RCBTB1: variants seen among roughly 807,000 people sequenced by gnomAD.
RCBTB1 encodes the protein RCC1 and BTB domain containing protein 1.
A neutral mutation model predicts 62.4 loss-of-function variants in RCBTB1; 46 were observed. The observed-to-expected ratio is 0.74, with a 90% confidence interval of 0.58 to 0.94. The LOEUF (loss-of-function observed/expected upper bound fraction) is 0.94. Among genes scored for constraint, RCBTB1 ranks in the 40% least tolerant of loss-of-function variants. The pLI is 0.00. For synonymous variants in RCBTB1, 222 were observed against 245.8 expected (o/e 0.90, Z 0.91); for missense variants, 565 against 654.9 (o/e 0.86, Z 1.50).
At chr13:49,567,011 A>G in intron 3 of RCBTB1, 143 bp downstream of exon 3, 1 of 797,508 alleles carries the variant, frequency 1.3e-6, no homozygotes, top group Middle Eastern at 3.8e-4. Context: ...CTGAAAAAAG[A>G]GAAACTATCA....
chr13:49,541,088 T>C (rs1960327950), intron 11 of RCBTB1, 82 bp from the exon 12 acceptor site: 3 of 1,232,658 alleles, frequency 2.4e-6, no homozygotes, highest in Non-Finnish European at 3.3e-6. Flanking sequence ...TGAACAGAGG[T>C]GTACAGGTAA....
chr13:49,540,844 G>A (rs770325981), intron 12 of RCBTB1, 32 bp downstream of exon 12: 3 of 1,606,882 alleles, frequency 1.9e-6, no homozygotes, highest in Non-Finnish European at 2.5e-6. Context: ...GGAGTTAAAG[G>A]TGGTCTGGTT....
At chr13:49,583,577 C>A (rs889690751) in intron 1 of RCBTB1, among the ~76,000 whole-genome samples, 3 of 151,882 alleles carry the variant, frequency 2.0e-5, no homozygotes, top group African/African-American at 7.3e-5. Context: ...GATGGAGTCT[C>A]ACTGTGTCGC....
chr13:49,533,625 T>C lies in RCBTB1; in HGVS notation c.*497A>G, dbSNP rs1477391501. 6.6e-6 allele frequency: 1 copy of C among 152,348 alleles called. No homozygotes were observed. Among genetic ancestry groups the C allele is most frequent in the African/African-American group, 2.4e-5 (1 of 41,436 alleles). The allele number at this position is 152,348 out of a possible 1,614,324, so 9.4% of individuals were successfully genotyped here. On this transcript the variant is annotated 3_prime_UTR_variant, in exon 13 of 13. Transcript: ENST00000378302. Reference sequence around the variant, plus strand: ...AGTCTGAAACAATCTTAATTATTCCTTCACAGTAAGGCTACTAAACTAGCA... The same window carrying C: ...AGTCTGAAACAATCTTAATTATTCCCTCACAGTAAGGCTACTAAACTAGCA...
chr13:49,584,244 C>T (rs555993145), intron 1 of RCBTB1, among the ~76,000 whole-genome samples: 1 of 122,808 alleles, frequency 8.1e-6, no homozygotes, highest in African/African-American at 3.2e-5. Flanking sequence ...TTGGATCACA[C>T]ACTTAAAAAA....
intron 2 of RCBTB1, among the ~76,000 whole-genome samples, chr13:49,567,697 G>A (rs1389795800): frequency 1.3e-5 from 2 of 152,088 alleles, no homozygotes; most frequent in African/African-American, 4.8e-5. Flanking sequence ...GCCTGCAGCT[G>A]GAGCATGCTT....
At chr13:49,560,988 G>C (rs1425861636) in intron 4 of RCBTB1, among the ~76,000 whole-genome samples, 1 of 151,330 alleles carries the variant, frequency 6.6e-6, no homozygotes, top group African/African-American at 2.5e-5. Context: ...AAGCTCCTCT[G>C]TCTGAATTTT....
intron 2 of RCBTB1, among the ~76,000 whole-genome samples, chr13:49,567,941 T>C (rs1206736641): frequency 1.3e-5 from 2 of 152,054 alleles, no homozygotes; most frequent in African/African-American, 2.4e-5. Context: ...AAGTAAAAGA[T>C]TTGACAGGGG....
rs564430389 is a variant in RCBTB1 at position 49,561,900 on chromosome 13, T to C, written c.278-1816A>G. Among the ~76,000 whole-genome samples the C allele has an allele frequency of 4.0e-5, 6 of 150,260 alleles. No individual in the cohort carries two copies. The East Asian group carries it at 1.2e-3, about 29-fold the overall frequency. On this transcript the variant is annotated intron_variant, in intron 4 of 12. Transcript: ENST00000378302. ...TGAGGTCAGGAGTTCAAGACCAGAC[T>C]GGCCAACACAGTGAAACCCCACATC...
chr13:49,581,719 C>G (rs1435633321), intron 1 of RCBTB1, among the ~76,000 whole-genome samples: 1 of 152,174 alleles, frequency 6.6e-6, no homozygotes, highest in African/African-American at 2.4e-5. Flanking sequence ...GGAGGAAAAC[C>G]AGGAGACAGA....
chr13:49,532,094 A>C lies in RCBTB1; in HGVS notation c.*2028T>G, dbSNP rs898027066. On this transcript the variant is annotated 3_prime_UTR_variant, in exon 13 of 13. Coordinates refer to ENST00000378302, the MANE Select transcript of RCBTB1 (RefSeq NM_018191.4). Reference sequence around the variant, plus strand: ...AAGAAATATGAATACTTTGGCTTCCATTATTACATTAGATGAAAAAATCAA... The same window carrying C: ...AAGAAATATGAATACTTTGGCTTCCCTTATTACATTAGATGAAAAAATCAA... 6.5e-6 allele frequency: 1 copy of C among 152,674 alleles called. No homozygotes were observed. Among genetic ancestry groups the C allele is most frequent in the Non-Finnish European group, 1.5e-5 (1 of 68,034 alleles). 9.5% of individuals were successfully genotyped at this position (152,674 alleles called of 1,614,324 possible). A position where few individuals can be genotyped will look rare whatever the true frequency, so the allele number is the denominator to read the frequency against.
chr13:49,561,708 A>C (rs1318250127), intron 4 of RCBTB1, among the ~76,000 whole-genome samples: 4 of 152,162 alleles, frequency 2.6e-5, no homozygotes, highest in African/African-American at 9.7e-5. Context: ...TTGATTAGAA[A>C]GTTTAATGGG....
chr13:49,541,659 C>T lies in RCBTB1; in HGVS notation c.1324+17G>A. 6 of 1,596,792 alleles carry T rather than the reference C, an allele frequency of 3.8e-6. No homozygotes were observed. In the South Asian group the frequency reaches 5.7e-5, roughly 15 times the overall value. ...TCTCCACCATGCGGCTCGTCCATCC[C>T]AATGCTACCACAGTACCTATAGCAT... On this transcript the variant is annotated intron_variant, in intron 11 of 12. Transcript: ENST00000378302.
intron 4 of RCBTB1, among the ~76,000 whole-genome samples, chr13:49,564,519 G>A (rs1406579134): frequency 6.7e-6 from 1 of 148,496 alleles, no homozygotes; most frequent in Non-Finnish European, 1.5e-5. Flanking sequence ...CCAGGAGATG[G>A]AGGTTGAGTG....
At position 49,533,003 on chromosome 13, in the gene RCBTB1, A is replaced by G. The variant is rs1438663223; in HGVS notation, c.*1119T>C. ...ATAGGATCTTTTCAGGAACACCATAATTTTGGTGCTTTTTCAAGGTGAAAT... is the reference window on the plus strand; with the variant it reads ...ATAGGATCTTTTCAGGAACACCATAGTTTTGGTGCTTTTTCAAGGTGAAAT... On this transcript the variant is annotated 3_prime_UTR_variant, in exon 13 of 13. Transcript: ENST00000378302. The G allele has an allele frequency of 6.6e-6, 1 of 152,208 alleles. No homozygotes were observed. Among genetic ancestry groups the G allele is most frequent in the Non-Finnish European group, 1.5e-5 (1 of 68,034 alleles). 9.4% of individuals were successfully genotyped at this position (152,208 alleles called of 1,614,324 possible). A position where few individuals can be genotyped will look rare whatever the true frequency, so the allele number is the denominator to read the frequency against.
rs987624578 is a variant in RCBTB1 at position 49,533,127 on chromosome 13, G to C, written c.*995C>G. 9 of 152,174 alleles carry C rather than the reference G, an allele frequency of 5.9e-5. No homozygotes were observed. The highest frequency in any genetic ancestry group is 1.9e-4 in the African/African-American group (8 of 41,454). The allele number at this position is 152,174 out of a possible 1,614,324, so 9.4% of individuals were successfully genotyped here. On this transcript the variant is annotated 3_prime_UTR_variant, in exon 13 of 13. Transcript: ENST00000378302. ...CAATGTGTGATGGATTTGGCCTAAA[G>C]TAGATAAAGCAAATTCCACTAAGTC...
At chr13:49,558,394 T>G (rs1027222382) in intron 5 of RCBTB1, among the ~76,000 whole-genome samples, 2 of 151,790 alleles carry the variant, frequency 1.3e-5, no homozygotes, top group Non-Finnish European at 2.9e-5. Context: ...TATTAGAAAA[T>G]AAAAATTCAC....
rs1959604463 is a variant in RCBTB1 at position 49,532,092 on chromosome 13, C to T, written c.*2030G>A. 6.6e-6 allele frequency: 1 copy of T among 152,446 alleles called. No homozygotes were observed. The highest frequency in any genetic ancestry group is 2.4e-5 in the African/African-American group (1 of 41,388). The allele number at this position is 152,446 out of a possible 1,614,324, so 9.4% of individuals were successfully genotyped here. On this transcript the variant is annotated 3_prime_UTR_variant, in exon 13 of 13. Coordinates refer to ENST00000378302, the MANE Select transcript of RCBTB1 (RefSeq NM_018191.4). ...TTAAGAAATATGAATACTTTGGCTT[C>T]CATTATTACATTAGATGAAAAAATC...
At chr13:49,553,137 G>A (rs148295247) in intron 6 of RCBTB1, among the ~76,000 whole-genome samples, 9 of 152,206 alleles carry the variant, frequency 5.9e-5, no homozygotes, top group African/African-American at 7.2e-5. Context: ...AGCCAAGATC[G>A]TGCTACCGTA....
Sources: gnomAD v4.1 joint callset for allele counts (sites outside exome capture counted in the v4.1 genomes callset) on GRCh38, gnomAD v4.1.1 for gene constraint, MANE v1.5 for transcripts, NCBI Gene and HGNC (gene_info 2026-07-23, HGNC 2026-07-21) for gene names.